Variants in TCF7L2 observed in about 807,000 individuals in gnomAD.
TCF7L2 encodes transcription factor 7 like 2.
Under a neutral mutation model 77.9 loss-of-function variants are expected in TCF7L2, and 23 were observed. The observed-to-expected ratio is 0.30, with a 90% CI of 0.21 to 0.42. The LOEUF (loss-of-function observed/expected upper bound fraction) is 0.42, where lower values mean the gene tolerates loss of function less well. Among genes scored for constraint, TCF7L2 ranks in the 10% least tolerant of loss-of-function variants. TCF7L2 has a pLI of 1.00. For synonymous variants in TCF7L2, 413 were observed against 340.2 expected (o/e 1.21, Z -2.36); for missense variants, 654 against 793.1 (o/e 0.82, Z 2.11).
chr10:113,090,288 G>A (rs12267249), intron 5 of TCF7L2, among the ~76,000 whole-genome samples: 8,186 of 152,242 alleles, frequency 0.054, 769 homozygotes, highest in African/African-American at 0.19. Flanking sequence ...TTTAGTACTA[G>A]TGTTAGCTTT....
At chr10:113,084,900 C>T (rs2059669802) in intron 5 of TCF7L2, among the ~76,000 whole-genome samples, 1 of 147,894 alleles carries the variant, frequency 6.8e-6, no homozygotes, top group African/African-American at 2.5e-5. Context: ...TGTCTCAAGC[C>T]ACCCCCCCCC....
At chr10:113,160,520 G>A in intron 12 of TCF7L2, 3 of 1,066,512 alleles carry the variant, frequency 2.8e-6, no homozygotes, top group Non-Finnish European at 2.7e-6. Flanking sequence ...TAGAACCAAG[G>A]TGATAGAGAA....
chr10:113,012,490 C>T (rs537404418), intron 4 of TCF7L2, among the ~76,000 whole-genome samples: 23 of 101,524 alleles, frequency 2.3e-4, no homozygotes, highest in African/African-American at 1.4e-3. Flanking sequence ...AGTGGAAAGG[C>T]ACTCAAAGGA....
intron 5 of TCF7L2, among the ~76,000 whole-genome samples, chr10:113,115,832 C>T (rs985854897): frequency 2.0e-5 from 3 of 152,158 alleles, no homozygotes; most frequent in Non-Finnish European, 2.9e-5. Context: ...AATGTGTGTG[C>T]GTGTGTCTCT....
chr10:113,105,496 A>G (rs956118541), intron 5 of TCF7L2, among the ~76,000 whole-genome samples: 17 of 152,174 alleles, frequency 1.1e-4, no homozygotes, highest in African/African-American at 3.9e-4. Context: ...GGGCAGGTCC[A>G]CTTTCGAAGT....
intron 6 of TCF7L2, among the ~76,000 whole-genome samples, chr10:113,143,660 G>T (rs574996654): frequency 6.6e-6 from 1 of 152,134 alleles, no homozygotes; most frequent in South Asian, 2.1e-4. Context: ...GTCACATGAG[G>T]CACAAATACC....
At chr10:113,097,756 G>A (rs12262221) in intron 5 of TCF7L2, among the ~76,000 whole-genome samples, 1 of 148,868 alleles carries the variant, frequency 6.7e-6, no homozygotes, top group Non-Finnish European at 1.5e-5. Flanking sequence ...ACTGGCTTCA[G>A]AAACACAGGT....
intron 5 of TCF7L2, among the ~76,000 whole-genome samples, chr10:113,052,958 AG>A (rs1434024187): frequency 4.6e-5 from 7 of 152,232 alleles, no homozygotes; most frequent in Non-Finnish European, 8.8e-5. Context: ...CTTTTTAAAA[AG>A]ATACAAACGA....
At chr10:113,021,840 A>G (rs2048309036) in intron 4 of TCF7L2, among the ~76,000 whole-genome samples, 1 of 152,170 alleles carries the variant, frequency 6.6e-6, no homozygotes, top group Non-Finnish European at 1.5e-5. Flanking sequence ...AGGAGGAGGA[A>G]ATCCACACTG....
At chr10:112,982,753 T>C (rs916797111) in intron 4 of TCF7L2, among the ~76,000 whole-genome samples, 4 of 152,110 alleles carry the variant, frequency 2.6e-5, no homozygotes, top group African/African-American at 9.7e-5. Context: ...GCCTCCCGAG[T>C]AGCTGGGACT....
chr10:113,089,806 C>G (rs185407648), intron 5 of TCF7L2, among the ~76,000 whole-genome samples: 3 of 152,272 alleles, frequency 2.0e-5, no homozygotes, highest in Non-Finnish European at 4.4e-5. Context: ...TGAAGGCCCT[C>G]GTGATCCAGT....
chr10:113,116,897 T>C (rs1047897902), intron 5 of TCF7L2, among the ~76,000 whole-genome samples: 1 of 152,222 alleles, frequency 6.6e-6, no homozygotes, highest in Non-Finnish European at 1.5e-5. Flanking sequence ...AGCTTTCTTG[T>C]CCATAAATTG....
intron 11 of TCF7L2, among the ~76,000 whole-genome samples, chr10:113,156,955 C>A (rs914791000): frequency 6.6e-6 from 1 of 152,242 alleles, no homozygotes; most frequent in Non-Finnish European, 1.5e-5. Context: ...ATGAGTCCAT[C>A]TGCGTAGCAC....
At chr10:112,960,944 C>T (rs996222925) in intron 3 of TCF7L2, among the ~76,000 whole-genome samples, 3 of 152,308 alleles carry the variant, frequency 2.0e-5, no homozygotes, top group East Asian at 1.9e-4. Context: ...CCGGCCTCCT[C>T]GGCCTCCCAA....
At chr10:113,145,440 T>G (rs1236015732) in intron 7 of TCF7L2, among the ~76,000 whole-genome samples, 1 of 152,204 alleles carries the variant, frequency 6.6e-6, no homozygotes. Context: ...TTAATTATTG[T>G]AATGAGGTGT....
rs186161294 is a variant in TCF7L2 at position 113,104,645 on chromosome 10, A to T, written c.553-36539A>T. On this transcript the variant is annotated intron_variant, in intron 5 of 13. Transcript: ENST00000627217. The stretch of plus-strand genomic sequence containing the variant: ...TGGTCTTGCAGATGGCCTAAAATAC[A>T]TATGGTAAGCCACTTATTTAATTTG... Among the ~76,000 whole-genome samples the T allele has an allele frequency of 4.6e-5, 7 of 152,308 alleles. No homozygotes were observed. The East Asian group carries it at 1.4e-3, about 29-fold the overall frequency.
intron 4 of TCF7L2, among the ~76,000 whole-genome samples, chr10:112,965,956 T>G (rs1354913357): frequency 6.6e-6 from 1 of 151,508 alleles, no homozygotes; most frequent in African/African-American, 2.4e-5. Context: ...GGCGGATCAC[T>G]TGAGGTCAGG....
intron 5 of TCF7L2, among the ~76,000 whole-genome samples, chr10:113,045,987 G>A: frequency 6.6e-6 from 1 of 152,108 alleles, no homozygotes; most frequent in East Asian, 1.9e-4. Context: ...GAAGAACCAG[G>A]CAATCAGGTT....
chr10:113,146,890 T>A (rs2069546813), intron 8 of TCF7L2, among the ~76,000 whole-genome samples: 1 of 148,654 alleles, frequency 6.7e-6, no homozygotes, highest in South Asian at 2.2e-4. Context: ...CAGCTCTAAG[T>A]CTTTGAAAGT....
Sources: gnomAD v4.1 joint callset for allele counts (sites outside exome capture counted in the v4.1 genomes callset) on GRCh38, gnomAD v4.1.1 for gene constraint, MANE v1.5 for transcripts, NCBI Gene and HGNC (gene_info 2026-07-23, HGNC 2026-07-21) for gene names.